Variants in GTF2IRD1 observed in about 807,000 individuals in gnomAD.
GTF2IRD1 encodes the protein general transcription factor II-I repeat domain-containing protein 1.
GTF2IRD1 carries 26 observed loss-of-function variants against 113.2 expected under a neutral mutation model. The ratio of observed to expected loss-of-function variants is 0.23; its 90% CI spans 0.17 to 0.32. GTF2IRD1 has a LOEUF of 0.32. GTF2IRD1 is among the 10% of genes least tolerant of loss of function. The pLI is 1.00. For synonymous variants in GTF2IRD1, 484 were observed against 529.1 expected (o/e 0.91, Z 1.17); for missense variants, 864 against 1,280.8 (o/e 0.67, Z 4.97).
At chr7:74,481,301 C>T (rs893340298) in intron 1 of GTF2IRD1, among the ~76,000 whole-genome samples, 1 of 152,114 alleles carries the variant, frequency 6.6e-6, no homozygotes, top group South Asian at 2.1e-4. Context: ...ACGACAGGCG[C>T]GTGCCACCAC....
At chr7:74,594,984 T>C (rs1802318588) in intron 24 of GTF2IRD1, 30 bp from the exon 25 acceptor site, 2 of 1,564,916 alleles carry the variant, frequency 1.3e-6, no homozygotes, top group South Asian at 1.1e-5. Flanking sequence ...CCTCATTTTC[T>C]AACTGCCACC....
At chr7:74,475,036 C>G (rs1794323182) in intron 1 of GTF2IRD1, among the ~76,000 whole-genome samples, 1 of 152,178 alleles carries the variant, frequency 6.6e-6, no homozygotes, top group Admixed American at 6.5e-5. Flanking sequence ...GGGACGATCA[C>G]TTGAGGCTAA....
chr7:74,509,166 G>A (rs1796475022), intron 2 of GTF2IRD1, among the ~76,000 whole-genome samples: 1 of 152,032 alleles, frequency 6.6e-6, no homozygotes, highest in Non-Finnish European at 1.5e-5. Context: ...AGACCAGCCT[G>A]GCCAACATGG....
intron 3 of GTF2IRD1, 114 bp downstream of exon 3, chr7:74,513,085 G>A (rs1470035262): frequency 6.0e-6 from 6 of 992,042 alleles, no homozygotes; most frequent in Non-Finnish European, 9.0e-6. Context: ...TGTGGGGAGT[G>A]AACCTAACAA....
intron 22 of GTF2IRD1, among the ~76,000 whole-genome samples, chr7:74,580,174 G>A (rs1287953345): frequency 2.6e-5 from 4 of 152,102 alleles, no homozygotes; most frequent in Non-Finnish European, 5.9e-5. Context: ...TTTCGAGACC[G>A]GGTCTCACTC....
At chr7:74,549,659 C>G (rs1295068551) in intron 17 of GTF2IRD1, among the ~76,000 whole-genome samples, 2 of 152,056 alleles carry the variant, frequency 1.3e-5, no homozygotes, top group Non-Finnish European at 2.9e-5. Flanking sequence ...AAGATTGAGC[C>G]AGGCATGGTG....
At chr7:74,471,320 G>C (rs1794067977) in intron 1 of GTF2IRD1, among the ~76,000 whole-genome samples, 1 of 152,090 alleles carries the variant, frequency 6.6e-6, no homozygotes. Context: ...AGGATCGCTT[G>C]AGGTCAGGAA....
In GTF2IRD1 at chr7:74,555,522, T is replaced by C; in HGVS notation, c.2023+28T>C. 1.4e-6 allele frequency: 2 copies of C among 1,394,806 alleles called. No individual in the cohort carries two copies. Among genetic ancestry groups the C allele is most frequent in the Non-Finnish European group, 2.0e-6 (2 of 980,418 alleles). The allele number at this position is 1,394,806 out of a possible 1,614,324, so 86.4% of individuals were successfully genotyped here. ...AAGGTTGAGCTCACGGGGAGGTCTG[T>C]TGTCCCAGCACCAGGACATTGACCT... On this transcript the variant is annotated intron_variant, in intron 19 of 26. Transcript: ENST00000424337. This position sits in a 1 kb window ranked among gnomAD's most constrained non-coding sequence, Gnocchi z 5.3.
At chr7:74,468,841 T>C (rs1431608753) in intron 1 of GTF2IRD1, among the ~76,000 whole-genome samples, 91 of 151,916 alleles carry the variant, frequency 6.0e-4, no homozygotes, top group African/African-American at 2.1e-3. Flanking sequence ...TCCCAGCACT[T>C]TGGGAGGCCA....
intron 12 of GTF2IRD1, among the ~76,000 whole-genome samples, chr7:74,538,426 T>G (rs1554350757): frequency 6.6e-6 from 1 of 152,236 alleles, no homozygotes; most frequent in African/African-American, 2.4e-5. Flanking sequence ...AGACCCAGGC[T>G]GCAGGTTCTT....
At chr7:74,472,788 C>T (rs1266472080) in intron 1 of GTF2IRD1, among the ~76,000 whole-genome samples, 1 of 152,118 alleles carries the variant, frequency 6.6e-6, no homozygotes, top group Non-Finnish European at 1.5e-5. Context: ...TCAATCAATC[C>T]ACATCCATGA....
At chr7:74,591,992 C>G (rs1320607173) in intron 24 of GTF2IRD1, among the ~76,000 whole-genome samples, 1 of 151,620 alleles carries the variant, frequency 6.6e-6, no homozygotes, top group Non-Finnish European at 1.5e-5. Context: ...ACACAGCAAC[C>G]TGGAAAATAC....
chr7:74,547,401 GGGAC>G (rs1370365010), intron 17 of GTF2IRD1, 115 bp downstream of exon 17: 2 of 772,968 alleles, frequency 2.6e-6, no homozygotes, highest in African/African-American at 3.5e-5. Flanking sequence ...CTGAATAGCT[GGGAC>G]CACAGGTGTG....
At chr7:74,476,960 G>A (rs558658783) in intron 1 of GTF2IRD1, among the ~76,000 whole-genome samples, 2 of 152,180 alleles carry the variant, frequency 1.3e-5, no homozygotes, top group Non-Finnish European at 2.9e-5. Context: ...TCTAAAAGAC[G>A]GGAACAAGGG....
intron 1 of GTF2IRD1, among the ~76,000 whole-genome samples, chr7:74,482,353 G>C (rs1391165055): frequency 6.8e-6 from 1 of 147,922 alleles, no homozygotes; most frequent in Admixed American, 6.9e-5. Context: ...TTAGCCTCCC[G>C]AGTAGCTGGG....
At chr7:74,527,298 G>C (rs140557175) in intron 8 of GTF2IRD1, among the ~76,000 whole-genome samples, 23 of 152,260 alleles carry the variant, frequency 1.5e-4, no homozygotes, top group Non-Finnish European at 2.8e-4. Context: ...AGATCAGTCT[G>C]GGCAACATAG....
chr7:74,531,002 G>A (rs952150311), intron 9 of GTF2IRD1, among the ~76,000 whole-genome samples: 11 of 152,044 alleles, frequency 7.2e-5, no homozygotes, highest in East Asian at 3.9e-4. Flanking sequence ...ACAGGAGTTC[G>A]AGACTGCAGT....
At chr7:74,586,826 A>G (rs1554367974) in intron 22 of GTF2IRD1, among the ~76,000 whole-genome samples, 1 of 152,212 alleles carries the variant, frequency 6.6e-6, no homozygotes, top group African/African-American at 2.4e-5. Context: ...CCTCCTAAAC[A>G]GAAGTGAGCT....
intron 22 of GTF2IRD1, chr7:74,571,001 C>A: frequency 1.5e-6 from 1 of 685,418 alleles, no homozygotes; most frequent in Non-Finnish European, 1.8e-6. Flanking sequence ...GAGGGCTCTC[C>A]CCGGACCCAG....
Sources: gnomAD v4.1 joint callset for allele counts (sites outside exome capture counted in the v4.1 genomes callset) on GRCh38, gnomAD v4.1.1 for gene constraint, Gnocchi (gnomAD v3.1) non-coding constraint, MANE v1.5 for transcripts, NCBI Gene and HGNC (gene_info 2026-07-23, HGNC 2026-07-21) for gene names.